The following UNC13B variants were observed in gnomAD, a reference collection of about 807,000 sequenced individuals.
UNC13B encodes protein unc-13 homolog B.
A neutral mutation model predicts 211.0 loss-of-function variants in UNC13B; 144 were observed. The observed-to-expected ratio is 0.68, with a 90% CI of 0.60 to 0.78. The LOEUF (loss-of-function observed/expected upper bound fraction) is 0.78. UNC13B is among the 30% of genes least tolerant of loss of function. The pLI is 0.00. For synonymous variants in UNC13B, 709 were observed against 725.8 expected (o/e 0.98, Z 0.37); for missense variants, 1,777 against 2,002.0 (o/e 0.89, Z 2.14).
chr9:35,309,917 C>T (rs1231776901), intron 9 of UNC13B, among the ~76,000 whole-genome samples: 2 of 152,208 alleles, frequency 1.3e-5, no homozygotes, highest in Non-Finnish European at 2.9e-5. Flanking sequence ...ACTCATCTTG[C>T]AGATGAGGAA....
At chr9:35,265,050 A>G (rs1827489627) in intron 7 of UNC13B, among the ~76,000 whole-genome samples, 1 of 152,174 alleles carries the variant, frequency 6.6e-6, no homozygotes, top group Non-Finnish European at 1.5e-5. Context: ...GGGACTTTAG[A>G]CTTTGAAGTG....
At chr9:35,278,930 C>A (rs373616730) in intron 7 of UNC13B, among the ~76,000 whole-genome samples, 1 of 152,026 alleles carries the variant, frequency 6.6e-6, no homozygotes, top group East Asian at 1.9e-4. Flanking sequence ...ATTCCCCCAC[C>A]CCCATGAATG....
rs371370211 is a variant in UNC13B at position 35,190,827 on chromosome 9, C to G, written c.22+28522C>G. 7.5e-4 allele frequency among the ~76,000 whole-genome samples: 114 copies of G among 152,200 alleles called. 2 individuals are homozygous for G. The South Asian group carries it at 0.018, about 25-fold the overall frequency. On this transcript the variant is annotated intron_variant, in intron 1 of 39. Coordinates refer to ENST00000635942, the MANE Select transcript of UNC13B (RefSeq NM_001371189.2). Reference sequence around the variant, plus strand: ...CTCTTTCAGAAAATCCTTTTAAATCCCTTGTTACTAAACTTTAGCCACACC... The same window carrying G: ...CTCTTTCAGAAAATCCTTTTAAATCGCTTGTTACTAAACTTTAGCCACACC...
intron 11 of UNC13B, among the ~76,000 whole-genome samples, chr9:35,335,316 GC>G (rs1227785044): frequency 8.5e-5 from 13 of 152,200 alleles, no homozygotes; most frequent in Non-Finnish European, 1.6e-4. Flanking sequence ...GCAAGCATAT[GC>G]CATGGGGGAG....
chr9:35,281,422 AAGAG>A (rs772600438), intron 7 of UNC13B, among the ~76,000 whole-genome samples: 3 of 101,948 alleles, frequency 2.9e-5, no homozygotes, highest in Non-Finnish European at 7.6e-5. Flanking sequence ...AAAAAAAAAA[AAGAG>A]AGAGAGAGGA....
chr9:35,163,727 T>G (rs1034631641), intron 1 of UNC13B, among the ~76,000 whole-genome samples: 5 of 152,236 alleles, frequency 3.3e-5, no homozygotes, highest in Non-Finnish European at 7.3e-5. Context: ...TTAACTGAAT[T>G]TATATAACTA....
rs935235370 is a variant in UNC13B, at chr9:35,245,337, GT to G, written c.468+1985del. Among the ~76,000 whole-genome samples, 408 of 140,774 alleles carry G rather than the reference GT, an allele frequency of 2.9e-3. 6 individuals carry two copies. The South Asian group carries it at 0.031, about 11-fold the overall frequency. 92.4% of individuals were successfully genotyped at this position (140,774 alleles called of 152,430 possible). On this transcript the variant is annotated intron_variant, in intron 6 of 39. Transcript: ENST00000635942. The stretch of plus-strand genomic sequence containing the variant: ...ACTGCATATCAGATTTTTGCTTTCT[GT>G]TTTTTTTTTTTAATTTTATTATTTT...
chr9:35,280,916 A>C (rs996427325), intron 7 of UNC13B, among the ~76,000 whole-genome samples: 2 of 152,186 alleles, frequency 1.3e-5, no homozygotes, highest in East Asian at 3.8e-4. Flanking sequence ...TTAGGTGTCT[A>C]TGCTGAGTAC....
chr9:35,170,012 G>C lies in UNC13B; in HGVS notation c.22+7707G>C, dbSNP rs556450619. On this transcript the variant is annotated intron_variant, in intron 1 of 39. Transcript: ENST00000635942. ...AATCTAGATAGGTTTTAAAATGTCT[G>C]TTATACAGTGTTCTTATATAAACTC... is the stretch of plus-strand genomic sequence containing the variant. 1.6e-3 allele frequency among the ~76,000 whole-genome samples: 249 copies of C among 152,216 alleles called. 3 individuals are homozygous for C. Among genetic ancestry groups the C allele is most frequent in the Non-Finnish European group, 3.1e-3 (210 of 68,006 alleles).
At chr9:35,354,138 G>A (rs1832886910) in intron 11 of UNC13B, among the ~76,000 whole-genome samples, 1 of 152,212 alleles carries the variant, frequency 6.6e-6, no homozygotes, top group African/African-American at 2.4e-5. Flanking sequence ...GTTTGCAGCT[G>A]CAGAGCTTTT....
At chr9:35,254,886 T>TATATATAATATACGTATATA (rs1321928000) in intron 6 of UNC13B, among the ~76,000 whole-genome samples, 2 of 127,070 alleles carry the variant, frequency 1.6e-5, no homozygotes, top group East Asian at 4.2e-4. Context: ...TTATATATAT[T>TATATATAATATACGTATATA]ATATATAATA....
intron 1 of UNC13B, among the ~76,000 whole-genome samples, chr9:35,208,322 C>G (rs1314209612): frequency 1.3e-5 from 2 of 152,182 alleles, no homozygotes; most frequent in Admixed American, 1.3e-4. Flanking sequence ...CATTCAGTGA[C>G]TCCTTGGAAT....
rs761960897 is a variant in UNC13B at position 35,386,266 on chromosome 9, C to G, written c.11067C>G (p.His3689Gln). 1 of 1,614,110 alleles carries G rather than the reference C, an allele frequency of 6.2e-7. No homozygotes were observed. Among genetic ancestry groups the G allele is most frequent in the South Asian group, 1.1e-5 (1 of 91,072 alleles). Residue 3689 changes from histidine to glutamine, a missense_variant, in exon 24 of 40, where the codon CAC becomes CAG. Transcript: ENST00000635942. ...STYEYIFNNC[H>Q]DLYSRQYQLK... ...ATGAATATATCTTCAACAACTGCCA[C>G]GACTTATACAGCCGCCAGTACCAGC...
chr9:35,278,907 CATATAA>C (rs1352202976), intron 7 of UNC13B, among the ~76,000 whole-genome samples: 1 of 152,094 alleles, frequency 6.6e-6, no homozygotes, highest in Non-Finnish European at 1.5e-5. Flanking sequence ...CATTCACAAA[CATATAA>C]ATATATATTC....
intron 8 of UNC13B, among the ~76,000 whole-genome samples, chr9:35,297,465 T>A (rs990251706): frequency 3.3e-5 from 5 of 151,932 alleles, no homozygotes; most frequent in African/African-American, 1.2e-4. Context: ...GATTATTTCT[T>A]CATGTTTAGA....
chr9:35,164,434 G>T (rs1249926909), intron 1 of UNC13B, among the ~76,000 whole-genome samples: 1 of 152,190 alleles, frequency 6.6e-6, no homozygotes, highest in African/African-American at 2.4e-5. Context: ...ATTCATCTTG[G>T]AGTAGAATCA....
At position 35,306,055 on chromosome 9, in the gene UNC13B, C is replaced by T. The variant is rs965674547; in HGVS notation, c.6651C>T (p.Phe2217=). ...ATAGTAGTTCTACTTTTAGTTTCTTCAGCTTGTCCTTTTTGGATCAAAAAA... is the reference window on the plus strand; with the variant it reads ...ATAGTAGTTCTACTTTTAGTTTCTTTAGCTTGTCCTTTTTGGATCAAAAAA... The part of the protein sequence containing the change: ...ASHSSSTFSF[F]SLSFLDQKKE... The change falls in exon 9 of 40, where the codon TTC becomes TTT. Residue 2217 remains phenylalanine (F), a synonymous_variant. Transcript: ENST00000635942. The T allele has an allele frequency of 2.5e-6, 1 of 398,838 alleles. No individual in the cohort carries two copies. The highest frequency in any genetic ancestry group is 2.1e-5 in the African/African-American group (1 of 48,614). The allele number at this position is 398,838 out of a possible 1,614,324, so 24.7% of individuals were successfully genotyped here.
intron 6 of UNC13B, among the ~76,000 whole-genome samples, chr9:35,249,066 T>C (rs1389282408): frequency 2.0e-5 from 3 of 152,234 alleles, no homozygotes; most frequent in African/African-American, 7.2e-5. Flanking sequence ...ATATTTAAGA[T>C]AGTTAGCTCT....
intron 6 of UNC13B, among the ~76,000 whole-genome samples, chr9:35,244,336 T>G (rs758254592): frequency 1.3e-5 from 2 of 152,182 alleles, no homozygotes; most frequent in African/African-American, 2.4e-5. Flanking sequence ...ATGACGAGTA[T>G]ACATCCATAG....
Sources: gnomAD v4.1 joint callset for allele counts (sites outside exome capture counted in the v4.1 genomes callset) on GRCh38, gnomAD v4.1.1 for gene constraint, MANE v1.5 for transcripts, NCBI Gene and HGNC (gene_info 2026-07-23, HGNC 2026-07-21) for gene names.